Variants in PTPRD observed in about 807,000 individuals in gnomAD.
PTPRD encodes the protein protein tyrosine phosphatase receptor type D.
In PTPRD, 34 loss-of-function variants were observed where a neutral mutation model predicts 214.5. The observed-to-expected ratio is 0.16, with a 90% CI of 0.12 to 0.21. PTPRD has a LOEUF of 0.21. Ranked by LOEUF, PTPRD falls within the 10% of genes least tolerant of loss-of-function variation. The pLI is 1.00. For missense variants in PTPRD, 2,545 were observed against 2,398.7 expected, an observed-to-expected ratio of 1.06 and a Z score of -1.27; for synonymous variants, 1,128 against 845.7, an observed-to-expected ratio of 1.33 and a Z score of -5.79.
intron 3 of PTPRD, among the ~76,000 whole-genome samples, chr9:10,047,349 T>TGC (rs1382066335): frequency 8.6e-5 from 13 of 150,506 alleles, no homozygotes; most frequent in East Asian, 7.9e-4. Flanking sequence ...CGTGTGTGTG[T>TGC]GTGCTTGTGT....
chr9:10,546,002 A>G (rs137892138), intron 2 of PTPRD, among the ~76,000 whole-genome samples: 230 of 152,244 alleles, frequency 1.5e-3, no homozygotes, highest in Non-Finnish European at 3.0e-3. Flanking sequence ...TAGTGCAAAC[A>G]AAGTAACATT....
intron 7 of PTPRD, among the ~76,000 whole-genome samples, chr9:9,636,692 C>T (rs974987594): frequency 2.0e-4 from 31 of 152,132 alleles, no homozygotes; most frequent in African/African-American, 6.0e-4. Flanking sequence ...GATGACCCAA[C>T]AACAAAAGTG....
intron 2 of PTPRD, among the ~76,000 whole-genome samples, chr9:10,481,320 C>G (rs2099096355): frequency 6.6e-6 from 1 of 151,820 alleles, no homozygotes; most frequent in African/African-American, 2.4e-5. Context: ...TAAAACAAAA[C>G]AAAACAAAAA....
chr9:8,937,907 A>T (rs957497250), intron 11 of PTPRD, among the ~76,000 whole-genome samples: 1 of 152,188 alleles, frequency 6.6e-6, no homozygotes, highest in East Asian at 1.9e-4. Flanking sequence ...AATTAGGTCA[A>T]TATGCAATCT....
chr9:8,719,315 G>C (rs1357844957), intron 12 of PTPRD, among the ~76,000 whole-genome samples: 1 of 152,176 alleles, frequency 6.6e-6, no homozygotes, highest in Non-Finnish European at 1.5e-5. Context: ...ACATTTTAAA[G>C]GTTAAGCGCC....
intron 5 of PTPRD, among the ~76,000 whole-genome samples, chr9:9,882,118 T>A (rs1223497776): frequency 6.6e-6 from 1 of 152,150 alleles, no homozygotes; most frequent in African/African-American, 2.4e-5. Flanking sequence ...TATTACATAC[T>A]CACACAACTT....
intron 3 of PTPRD, among the ~76,000 whole-genome samples, chr9:10,197,281 T>C (rs1053349241): frequency 4.6e-5 from 7 of 152,174 alleles, no homozygotes; most frequent in African/African-American, 1.4e-4. Flanking sequence ...AATCTAATTA[T>C]AAATTTAGTC....
chr9:9,005,098 A>G (rs1328917744), intron 11 of PTPRD, among the ~76,000 whole-genome samples: 1 of 152,032 alleles, frequency 6.6e-6, no homozygotes, highest in Admixed American at 6.6e-5. Flanking sequence ...GAAAGATCCA[A>G]ATAGTTTTGC....
At chr9:8,338,768 A>G (rs969917377) in intron 43 of PTPRD, among the ~76,000 whole-genome samples, 154 bp downstream of exon 43, 1 of 88,302 alleles carries the variant, frequency 1.1e-5, no homozygotes, top group Non-Finnish European at 2.5e-5. Flanking sequence ...TTACTCTTAC[A>G]TATTAAACAT....
intron 8 of PTPRD, among the ~76,000 whole-genome samples, chr9:9,521,091 T>A (rs1387504610): frequency 1.3e-5 from 2 of 152,182 alleles, no homozygotes; most frequent in East Asian, 3.9e-4. Flanking sequence ...TTGGGAGATT[T>A]AGAACCTCTC....
intron 10 of PTPRD, among the ~76,000 whole-genome samples, chr9:9,175,085 T>A (rs2099923824): frequency 6.6e-6 from 1 of 152,114 alleles, no homozygotes; most frequent in South Asian, 2.1e-4. Context: ...AGACACCAAA[T>A]TTGCCAGCAC....
At chr9:9,995,889 C>A (rs115286852) in intron 4 of PTPRD, among the ~76,000 whole-genome samples, 2,515 of 152,252 alleles carry the variant, frequency 0.017, 66 homozygotes, top group African/African-American at 0.056. Flanking sequence ...TTACATTCCA[C>A]TTGAACATTA....
intron 9 of PTPRD, among the ~76,000 whole-genome samples, chr9:9,381,499 T>G (rs1025388604): frequency 2.6e-5 from 4 of 151,814 alleles, no homozygotes. Flanking sequence ...TAGCTAGGAC[T>G]ATATGCATGC....
At chr9:8,729,497 T>C (rs2098631278) in intron 12 of PTPRD, among the ~76,000 whole-genome samples, 1 of 152,182 alleles carries the variant, frequency 6.6e-6, no homozygotes, top group African/African-American at 2.4e-5. Context: ...TAAAACTGTT[T>C]GCTAAATCTT....
intron 3 of PTPRD, among the ~76,000 whole-genome samples, chr9:10,306,312 A>T (rs950322501): frequency 6.6e-6 from 1 of 151,914 alleles, no homozygotes; most frequent in Non-Finnish European, 1.5e-5. Flanking sequence ...ATTAGGAGAA[A>T]CACCTAATGT....
chr9:8,576,401 T>A (rs2092361888), intron 14 of PTPRD, among the ~76,000 whole-genome samples: 1 of 152,134 alleles, frequency 6.6e-6, no homozygotes, highest in African/African-American at 2.4e-5. Flanking sequence ...TCTTTTATGG[T>A]CATGATTTGC....
At chr9:8,595,179 T>G (rs1234559559) in intron 14 of PTPRD, among the ~76,000 whole-genome samples, 3 of 151,788 alleles carry the variant, frequency 2.0e-5, no homozygotes, top group Non-Finnish European at 4.4e-5. Context: ...CCTGTTTTTT[T>G]TTTTTTTTTA....
At chr9:10,099,696 T>G (rs2154211810) in intron 3 of PTPRD, among the ~76,000 whole-genome samples, 1 of 151,828 alleles carries the variant, frequency 6.6e-6, no homozygotes, top group South Asian at 2.1e-4. Context: ...CCCATAGAGC[T>G]TTTTCGCTAT....
intron 3 of PTPRD, among the ~76,000 whole-genome samples, chr9:10,257,629 T>C (rs2093380228): frequency 6.6e-6 from 1 of 152,204 alleles, no homozygotes; most frequent in Non-Finnish European, 1.5e-5. Flanking sequence ...CTTTGCTTCC[T>C]CTCTGTTAGA....
Sources: allele counts gnomAD v4.1 joint callset (sites outside exome capture counted in the v4.1 genomes callset), GRCh38; gene constraint gnomAD v4.1.1; transcripts MANE v1.5; gene names NCBI Gene and HGNC (gene_info 2026-07-23, HGNC 2026-07-21).